TCHP: variants seen among roughly 807,000 people sequenced by gnomAD.
The protein encoded by TCHP is trichoplein keratin filament-binding protein.
TCHP carries 81 observed loss-of-function variants against 88.7 expected under a neutral mutation model. The observed-to-expected ratio is 0.91, with a 90% CI of 0.76 to 1.10. The LOEUF (loss-of-function observed/expected upper bound fraction) is 1.10. Among genes scored for constraint, TCHP ranks in the 50% least tolerant of loss-of-function variants. TCHP has a pLI of 0.00. For missense variants in TCHP, 641 were observed against 632.1 expected (o/e 1.01, Z -0.15); for synonymous variants, 232 against 232.5 (o/e 1.00, Z 0.02).
At position 109,910,130 on chromosome 12, in the gene TCHP, C is replaced by T. The variant is rs536700952; in HGVS notation, c.880-933C>T. Among the ~76,000 whole-genome samples the T allele has an allele frequency of 5.3e-5, 8 of 152,272 alleles. No homozygotes were observed. The South Asian group carries it at 1.7e-3, about 32-fold the overall frequency. ...CTCAAGCCTGGGCAACAGAGTGAGA[C>T]TCTGTCTCAAAAAAACAAAAAAAGG... is the stretch of plus-strand genomic sequence containing the variant. On this transcript the variant is annotated intron_variant, in intron 8 of 12. Coordinates refer to ENST00000405876, the MANE Select transcript of TCHP (RefSeq NM_001143852.2).
Position 109,907,684 on chromosome 12 carries a change from G to A in TCHP, c.684G>A (p.Lys228=), listed in dbSNP as rs1405836350. 3.7e-6 allele frequency: 6 copies of A among 1,603,602 alleles called. No individual in the cohort carries two copies. Among genetic ancestry groups the A allele is most frequent in the Non-Finnish European group, 5.1e-6 (6 of 1,175,854 alleles). The change falls in exon 6 of 13, where the codon AAG becomes AAA. Residue 228 remains lysine (K), a synonymous_variant. Transcript: ENST00000405876. ...TGCTGCAACAGATGGAGGAGCTGAAGCTGAAGGAGGTGGAGGTGGGCACAA... is the reference window on the plus strand; with the variant it reads ...TGCTGCAACAGATGGAGGAGCTGAAACTGAAGGAGGTGGAGGTGGGCACAA... ...EALLQQMEEL[K]LKEVEATKLK...
the TCHP span, among the ~76,000 whole-genome samples, chr12:109,882,622 A>G: frequency 6.8e-6 from 1 of 146,554 alleles, no homozygotes. Context: ...ATATTGGGGC[A>G]GGAAGGGAGT....
chr12:109,892,506 C>T, the TCHP span, among the ~76,000 whole-genome samples: 4 of 152,166 alleles, frequency 2.6e-5, no homozygotes, highest in African/African-American at 9.7e-5. Flanking sequence ...ATGGAAGGTT[C>T]AAGGCTGAGA....
Position 109,916,775 on chromosome 12 carries a change from C to G in TCHP, c.*152C>G. ...TGCTCAGGTTCATCATTGAAACATC[C>G]CAGTGTTTGGCCAGACATTAAGGTG... is the stretch of plus-strand genomic sequence containing the variant. On this transcript the variant is annotated 3_prime_UTR_variant, in exon 13 of 13. Coordinates refer to ENST00000405876, the MANE Select transcript of TCHP (RefSeq NM_001143852.2). 1 of 704,074 alleles carries G rather than the reference C, an allele frequency of 1.4e-6. No homozygotes were observed. Among genetic ancestry groups the G allele is most frequent in the Non-Finnish European group, 2.4e-6 (1 of 417,200 alleles). The allele number at this position is 704,074 out of a possible 1,614,324, so 43.6% of individuals were successfully genotyped here.
At chr12:109,883,097 G>C in the TCHP span, among the ~76,000 whole-genome samples, 1 of 147,668 alleles carries the variant, frequency 6.8e-6, no homozygotes, top group Non-Finnish European at 1.5e-5. Context: ...AGAGTGGTGT[G>C]ATCACAGCTC....
At chr12:109,881,510 A>G in the TCHP span, among the ~76,000 whole-genome samples, 1 of 152,242 alleles carries the variant, frequency 6.6e-6, no homozygotes, top group Non-Finnish European at 1.5e-5. Flanking sequence ...TTGAGACCCT[A>G]GAAAATTCTG....
Position 109,915,150 on chromosome 12 carries a change from C to T in TCHP, c.1321-253C>T, listed in dbSNP as rs550379699. On this transcript the variant is annotated intron_variant, in intron 11 of 12. Coordinates refer to ENST00000405876, the MANE Select transcript of TCHP (RefSeq NM_001143852.2). ...CCAGCTTTCCACGAGGTACACGCCACGCATACAGCCTCTCCAGCTTTCCAC... is the reference window on the plus strand; with the variant it reads ...CCAGCTTTCCACGAGGTACACGCCATGCATACAGCCTCTCCAGCTTTCCAC... The T allele has an allele frequency of 4.0e-4, 231 of 572,314 alleles. 4 individuals carry two copies. Among genetic ancestry groups the T allele is most frequent in the African/African-American group, 1.9e-3 (99 of 52,380 alleles). 35.5% of individuals were successfully genotyped at this position (572,314 alleles called of 1,614,324 possible).
chr12:109,902,158 C>T (rs1342071639), intron 1 of TCHP, among the ~76,000 whole-genome samples: 1 of 152,054 alleles, frequency 6.6e-6, no homozygotes. Flanking sequence ...GCTGGGTGCA[C>T]GCAGTCCAGA....
the TCHP span, among the ~76,000 whole-genome samples, chr12:109,886,996 T>C: frequency 6.6e-6 from 1 of 152,134 alleles, no homozygotes; most frequent in African/African-American, 2.4e-5. Flanking sequence ...CGTGAGCCAC[T>C]GCGCCCGGCC....
the TCHP span, among the ~76,000 whole-genome samples, chr12:109,882,543 G>A: frequency 6.6e-6 from 1 of 151,878 alleles, no homozygotes; most frequent in African/African-American, 2.4e-5. Context: ...AAATGGGAAT[G>A]GGTAAGTGAG....
chr12:109,888,785 G>A, the TCHP span, among the ~76,000 whole-genome samples: 3 of 152,174 alleles, frequency 2.0e-5, no homozygotes, highest in African/African-American at 7.2e-5. Context: ...TCAGTTTCCT[G>A]TGGCTGCTTG....
rs1270352537 is a variant in TCHP, at chr12:109,917,658, G to A, written c.*1035G>A. On this transcript the variant is annotated 3_prime_UTR_variant, in exon 13 of 13. Coordinates refer to ENST00000405876, the MANE Select transcript of TCHP (RefSeq NM_001143852.2). Reference sequence around the variant, plus strand: ...AAATCTCTCCCACCATTATATCAGCGTGATACAGGTCTACATTCATTTCTA... The same window carrying A: ...AAATCTCTCCCACCATTATATCAGCATGATACAGGTCTACATTCATTTCTA... 2.0e-5 allele frequency: 3 copies of A among 152,554 alleles called. No individual in the cohort carries two copies. Among genetic ancestry groups the A allele is most frequent in the Non-Finnish European group, 2.9e-5 (2 of 68,034 alleles). The allele number at this position is 152,554 out of a possible 1,614,324, so 9.5% of individuals were successfully genotyped here. A position where few individuals can be genotyped will look rare whatever the true frequency, so the allele number is the denominator to read the frequency against.
the TCHP span, among the ~76,000 whole-genome samples, chr12:109,881,529 G>A: frequency 2.6e-5 from 4 of 152,226 alleles, no homozygotes; most frequent in African/African-American, 9.6e-5. Flanking sequence ...TGTAAGCAGA[G>A]CTCTTGAGCC....
chr12:109,908,665 A>AGATG lies in TCHP; in HGVS notation c.782_785dup (p.Glu262AspfsTer19), dbSNP rs1178756870. 14 of 1,599,824 alleles carry AGATG rather than the reference A, an allele frequency of 8.8e-6. No homozygotes were observed. The highest frequency in any genetic ancestry group is 1.2e-5 in the Non-Finnish European group (14 of 1,174,686). ...GAGAGGCTGGAGGAAGAGCGAAAGCAGATGGAAGCCTTCCGGCAGAAGGCA... is the reference window on the plus strand; with the variant it reads ...GAGAGGCTGGAGGAAGAGCGAAAGCAGATGGATGGAAGCCTTCCGGCAGAAGGCA... On this transcript the variant is annotated frameshift_variant, in exon 7 of 13. Coordinates refer to ENST00000405876, the MANE Select transcript of TCHP (RefSeq NM_001143852.2). LOFTEE classifies it high-confidence loss of function.
chr12:109,916,010 T>C (rs1451692735), intron 12 of TCHP, among the ~76,000 whole-genome samples: 4 of 152,192 alleles, frequency 2.6e-5, no homozygotes, highest in Non-Finnish European at 1.5e-5. Flanking sequence ...CCTCTCAGTG[T>C]CTTTGTTCCC....
upstream of TCHP, among the ~76,000 whole-genome samples, chr12:109,896,457 G>T (rs1259708578): frequency 2.0e-5 from 3 of 152,190 alleles, no homozygotes; most frequent in African/African-American, 7.2e-5. Context: ...TTGGAGGGAG[G>T]CTTAAATGAG....
Position 109,904,066 on chromosome 12 carries a change from G to A in TCHP, c.318G>A (p.Arg106=), listed in dbSNP as rs138719299. The part of the protein sequence containing the change: ...DLLARELEEL[R]LSMNLQERRI... ...TGGCCAGAGAACTGGAGGAGCTGAG[G>A]CTGAGCATGAACTTGCAGGAAAGAA... is the stretch of plus-strand genomic sequence containing the variant. Residue 106 remains arginine (R), a synonymous_variant, in exon 3 of 13, where the codon AGG becomes AGA. Transcript: ENST00000405876. 44 of 1,603,628 alleles carry A rather than the reference G, an allele frequency of 2.7e-5. No individual in the cohort carries two copies. The highest frequency in any genetic ancestry group is 5.1e-5 in the Admixed American group (3 of 58,322).
At chr12:109,897,838 G>A (rs527790705), upstream of TCHP, among the ~76,000 whole-genome samples, 24 of 152,124 alleles carry the variant, frequency 1.6e-4, no homozygotes, top group Admixed American at 2.6e-4. Context: ...GATTACAGGC[G>A]TGAGCCACCA....
intron 8 of TCHP, among the ~76,000 whole-genome samples, chr12:109,910,701 C>G (rs997988527): frequency 6.6e-6 from 1 of 152,214 alleles, no homozygotes; most frequent in African/African-American, 2.4e-5. Flanking sequence ...TACCTAAAAG[C>G]TGCAACGAGT....
Sources: gnomAD v4.1 joint callset for allele counts (sites outside exome capture counted in the v4.1 genomes callset) on GRCh38, gnomAD v4.1.1 for gene constraint, MANE v1.5 for transcripts, NCBI Gene and HGNC (gene_info 2026-07-23, HGNC 2026-07-21) for gene names.